The following BFSP2 variants were observed in gnomAD, a reference collection of about 807,000 sequenced individuals.
BFSP2 encodes phakinin.
Under a neutral mutation model 44.9 loss-of-function variants are expected in BFSP2, and 38 were observed. The observed-to-expected ratio is 0.85, with a 90% CI of 0.65 to 1.11. The LOEUF is 1.11. Ranked by LOEUF, BFSP2 falls within the 50% of genes least tolerant of loss-of-function variation. The pLI is 0.00. For synonymous variants in BFSP2, 197 were observed against 209.9 expected, an observed-to-expected ratio of 0.94 and a Z score of 0.53; for missense variants, 525 against 533.0, an observed-to-expected ratio of 0.99 and a Z score of 0.15.
At chr3:133,416,920 A>AG (rs1378559766) in intron 1 of BFSP2, among the ~76,000 whole-genome samples, 4 of 46,012 alleles carry the variant, frequency 8.7e-5, no homozygotes, top group Admixed American at 5.5e-4. Context: ...CCCTCTACTC[A>AG]CCCGTCCTCT....
At chr3:133,456,497 A>G (rs1232610830) in intron 4 of BFSP2, among the ~76,000 whole-genome samples, 3 of 152,194 alleles carry the variant, frequency 2.0e-5, no homozygotes, top group Non-Finnish European at 4.4e-5. Flanking sequence ...CTATAGTCCC[A>G]GCACTTTGGG....
chr3:133,424,220 T>TGTG (rs1553778827), intron 1 of BFSP2, among the ~76,000 whole-genome samples: 4,508 of 62,796 alleles, frequency 0.072, 149 homozygotes, highest in East Asian at 0.21. Context: ...TAATTTTTTT[T>TGTG]TTTTTTTTTT....
intron 1 of BFSP2, among the ~76,000 whole-genome samples, chr3:133,444,929 C>T (rs1018072589): frequency 2.0e-5 from 3 of 151,994 alleles, no homozygotes; most frequent in East Asian, 1.9e-4. Context: ...ACCTCTGTAA[C>T]CTGCTCAAGC....
chr3:133,400,896 G>A lies in BFSP2; in HGVS notation c.489+324G>A, dbSNP rs1489085262. Among the ~76,000 whole-genome samples the A allele has an allele frequency of 4.6e-5, 7 of 152,220 alleles. No individual in the cohort carries two copies. The highest frequency in any genetic ancestry group is 1.0e-4 in the Non-Finnish European group (7 of 68,036). On this transcript the variant is annotated intron_variant, in intron 1 of 6. Coordinates refer to ENST00000302334, the MANE Select transcript of BFSP2 (RefSeq NM_003571.4). The surrounding 1 kb of genome is among the most constrained non-coding windows in gnomAD (Gnocchi z 4.0). ...AAGACTTCAAAGCTAGTAGAGGGAT[G>A]GAGATGAGATTTGAACCTGAATTTT...
Position 133,448,699 on chromosome 3 carries a change from G to C in BFSP2, c.729+54G>C, listed in dbSNP as rs1453862289. 4 of 1,598,234 alleles carry C rather than the reference G, an allele frequency of 2.5e-6. No homozygotes were observed. The Admixed American group carries it at 5.1e-5, about 21-fold the overall frequency. ...GCCACAAGACCAGAAGTTCACATCT[G>C]TCTGCCTGTGCTTCATAACAAGGCC... On this transcript the variant is annotated intron_variant, in intron 3 of 6. Coordinates refer to ENST00000302334, the MANE Select transcript of BFSP2 (RefSeq NM_003571.4).
chr3:133,468,532 C>T (rs934112223), intron 5 of BFSP2, among the ~76,000 whole-genome samples: 1 of 152,166 alleles, frequency 6.6e-6, no homozygotes, highest in Non-Finnish European at 1.5e-5. Flanking sequence ...TCTGGTGACT[C>T]AATTGTGCAT....
rs1159100956 is a variant in BFSP2, at chr3:133,466,816, G to A, written c.892-12G>A. ...ATCATCACCGCTCACACTGAGACCT[G>A]ACTCTCCACAGCAACAGGCGGAGGT... On this transcript the variant is annotated splice_polypyrimidine_tract_variant and intron_variant, in intron 4 of 6. Coordinates refer to ENST00000302334, the MANE Select transcript of BFSP2 (RefSeq NM_003571.4). 1 of 1,611,712 alleles carries A rather than the reference G, an allele frequency of 6.2e-7. No homozygotes were observed. The highest frequency in any genetic ancestry group is 2.2e-5 in the East Asian group (1 of 44,772).
intron 1 of BFSP2, among the ~76,000 whole-genome samples, chr3:133,403,781 G>T (rs1339874670): frequency 6.6e-6 from 1 of 152,126 alleles, no homozygotes; most frequent in Non-Finnish European, 1.5e-5. Flanking sequence ...CTGGGGAGTG[G>T]GGGTCCCCTG....
intron 1 of BFSP2, among the ~76,000 whole-genome samples, chr3:133,431,298 C>T (rs1239233243): frequency 1.3e-5 from 2 of 152,212 alleles, no homozygotes; most frequent in Non-Finnish European, 2.9e-5. Flanking sequence ...CTTGCCTCCA[C>T]TCTGAGACAA....
Position 133,472,249 on chromosome 3 carries a change from A to G in BFSP2, c.1024-96A>G, listed in dbSNP as rs899458. 675,069 of 1,351,146 alleles carry G rather than the reference A, an allele frequency of 0.5. 173,347 individuals are homozygous for G. The highest frequency in any genetic ancestry group is 0.69 in the African/African-American group (47,748 of 69,156). 83.7% of individuals were successfully genotyped at this position (1,351,146 alleles called of 1,614,324 possible). On this transcript the variant is annotated intron_variant, in intron 5 of 6. Transcript: ENST00000302334. The stretch of plus-strand genomic sequence containing the variant: ...GTCCCTGCCACGAGGGGAATAGTCC[A>G]GGCTACCACCAGCCCCTGCCACTGC...
At position 133,472,401 on chromosome 3, in the gene BFSP2, C is replaced by T. The variant is rs1195459463; in HGVS notation, c.1080C>T (p.Leu360=). 3 of 1,613,966 alleles carry T rather than the reference C, an allele frequency of 1.9e-6. No individual in the cohort carries two copies. Among genetic ancestry groups the T allele is most frequent in the Admixed American group, 1.7e-5 (1 of 60,006 alleles). Residue 360 remains leucine (L), a synonymous_variant, in exon 6 of 7, where the codon CTC becomes CTT. Transcript: ENST00000302334. ...HDAKHWHDME[L]QNLGAVVGRL... ...CCAAGCACTGGCATGACATGGAGCT[C>T]CAGAACCTGGGCGCTGTGGTCGGCC...
chr3:133,405,204 G>A (rs972881073), intron 1 of BFSP2, among the ~76,000 whole-genome samples: 1 of 152,204 alleles, frequency 6.6e-6, no homozygotes, highest in Non-Finnish European at 1.5e-5. Context: ...AGAAAGGGGA[G>A]CGCAGAGGTT....
At chr3:133,446,602 A>AAAGGAG (rs2073901939) in intron 1 of BFSP2, among the ~76,000 whole-genome samples, 3 of 38,454 alleles carry the variant, frequency 7.8e-5, no homozygotes, top group African/African-American at 2.6e-4. Flanking sequence ...ATATATATAT[A>AAAGGAG]TATATATATA....
Position 133,448,509 on chromosome 3 carries a change from T to C in BFSP2, c.593T>C (p.Phe198Ser). ...TGCAGATATGAAAATGAGCAGCCAT[T>C]TCGAAAGGCGGCAGAAGAGGAAATT... is the stretch of plus-strand genomic sequence containing the variant. ...FKERYENEQP[F>S]RKAAEEEINS... is the part of the protein sequence containing the mutation. The change falls in exon 3 of 7, where the codon TTT (phenylalanine) becomes TCT (serine). Residue 198 changes from phenylalanine to serine, a missense_variant. Coordinates refer to ENST00000302334, the MANE Select transcript of BFSP2 (RefSeq NM_003571.4). The C allele has an allele frequency of 6.2e-7, 1 of 1,614,026 alleles. No homozygotes were observed. Among genetic ancestry groups the C allele is most frequent in the Non-Finnish European group, 8.5e-7 (1 of 1,180,008 alleles).
In BFSP2 at chr3:133,435,749, A is replaced by G. The variant is rs1391605168; in HGVS notation, c.490-11568A>G. Reference sequence around the variant, plus strand: ...TACAAGATGAATTTTTCCCTTGCAAATTGTCTGCTGCTATGGCCTTCGTCT... The same window carrying G: ...TACAAGATGAATTTTTCCCTTGCAAGTTGTCTGCTGCTATGGCCTTCGTCT... On this transcript the variant is annotated intron_variant, in intron 1 of 6. Transcript: ENST00000302334. Among the ~76,000 whole-genome samples the G allele has an allele frequency of 7.2e-5, 11 of 152,248 alleles. No homozygotes were observed. The East Asian group carries it at 1.9e-3, about 27-fold the overall frequency.
At chr3:133,405,921 C>T (rs116207640) in intron 1 of BFSP2, among the ~76,000 whole-genome samples, 2,592 of 152,200 alleles carry the variant, frequency 0.017, 77 homozygotes, top group African/African-American at 0.06. Flanking sequence ...GGGTCTTGTT[C>T]ATATAATACA....
At chr3:133,463,661 A>G (rs1559982692) in intron 4 of BFSP2, among the ~76,000 whole-genome samples, 4 of 152,182 alleles carry the variant, frequency 2.6e-5, no homozygotes, top group Admixed American at 2.6e-4. Flanking sequence ...TGCATGCTTG[A>G]GCTCACTTGC....
In BFSP2 at chr3:133,466,878, A is replaced by T; in HGVS notation, c.942A>T (p.Ala314=). The change falls in exon 5 of 7, where the codon GCA becomes GCT. Residue 314 remains alanine (A), a synonymous_variant. Coordinates refer to ENST00000302334, the MANE Select transcript of BFSP2 (RefSeq NM_003571.4). ...HMSQTQEEKL[A]AALRVELHNT... ...CCCAGACCCAGGAGGAGAAGCTGGC[A>T]GCTGCCCTCAGGGTGGAGTTACACA... The T allele has an allele frequency of 6.2e-7, 1 of 1,613,980 alleles. No homozygotes were observed. The highest frequency in any genetic ancestry group is 8.5e-7 in the Non-Finnish European group (1 of 1,179,980).
At chr3:133,407,205 G>A (rs948128180) in intron 1 of BFSP2, among the ~76,000 whole-genome samples, 1 of 152,122 alleles carries the variant, frequency 6.6e-6, no homozygotes, top group Non-Finnish European at 1.5e-5. Flanking sequence ...AACAAAGCAA[G>A]GGCCATCTCA....
Sources: allele counts gnomAD v4.1 joint callset (sites outside exome capture counted in the v4.1 genomes callset), GRCh38; gene constraint gnomAD v4.1.1; non-coding constraint Gnocchi (gnomAD v3.1); transcripts MANE v1.5; gene names NCBI Gene and HGNC (gene_info 2026-07-23, HGNC 2026-07-21).